The following CCDC66 variants were observed in gnomAD, a reference collection of about 807,000 sequenced individuals.
The protein encoded by CCDC66 is coiled-coil domain-containing protein 66.
Under a neutral mutation model 128.3 loss-of-function variants are expected in CCDC66, and 133 were observed. The observed-to-expected ratio is 1.04, with a 90% CI of 0.90 to 1.20. The LOEUF is 1.20. Among genes scored for constraint, CCDC66 ranks in the 50% most tolerant of loss-of-function variants. CCDC66 has a pLI of 0.00. For synonymous variants in CCDC66, 387 were observed against 357.0 expected, an observed-to-expected ratio of 1.08 and a Z score of -0.95; for missense variants, 1,126 against 1,075.5, an observed-to-expected ratio of 1.05 and a Z score of -0.66.
intron 7 of CCDC66, among the ~76,000 whole-genome samples, chr3:56,582,851 TA>T (rs1427467790): frequency 0.033 from 3,234 of 98,102 alleles, 279 homozygotes; most frequent in East Asian, 0.25. Context: ...CAACTTTCTT[TA>T]TTATTATTAT....
At chr3:56,571,323 T>C (rs1428182860) in intron 7 of CCDC66, 21 bp downstream of exon 7, 1 of 1,441,248 alleles carries the variant, frequency 6.9e-7, no homozygotes, top group Non-Finnish European at 9.5e-7. Context: ...TTAATTGCAA[T>C]TTTTAAAATA....
chr3:56,621,105 AGT>A (rs1327524416), intron 17 of CCDC66: 6 of 152,026 alleles, frequency 3.9e-5, no homozygotes, highest in African/African-American at 1.5e-4. Flanking sequence ...CAGAGCTTGC[AGT>A]GAGATTGCAC....
At chr3:56,620,874 C>T (rs977602993) in intron 17 of CCDC66, 8 of 152,774 alleles carry the variant, frequency 5.2e-5, no homozygotes, top group African/African-American at 1.4e-4. Context: ...GGATGTTGGC[C>T]AGGAGCAGTG....
chr3:56,615,088 T>A (rs759071314), intron 11 of CCDC66, 40 bp from the exon 12 acceptor site: 1 of 1,594,772 alleles, frequency 6.3e-7, no homozygotes, highest in African/African-American at 1.3e-5. Flanking sequence ...AGTCTTTGTA[T>A]GTTTAATAGA....
intron 10 of CCDC66, among the ~76,000 whole-genome samples, chr3:56,604,391 G>T (rs1023163110): frequency 6.6e-6 from 1 of 151,912 alleles, no homozygotes; most frequent in Non-Finnish European, 1.5e-5. Flanking sequence ...TTACAATTTG[G>T]TATGTTTTTG....
At position 56,573,710 on chromosome 3, in the gene CCDC66, TTCTGTTTAGC is replaced by T. The variant is rs1162893838; in HGVS notation, c.936+2409_936+2418del. Among the ~76,000 whole-genome samples the T allele has an allele frequency of 7.2e-3, 1,089 of 151,838 alleles. 34 individuals are homozygous for T. The highest frequency in any genetic ancestry group is 0.071 in the East Asian group (359 of 5,058). ...TGCTGACATCTTCTGAAGGGCTGGT[TTCTGTTTAGC>T]CCTTAGGCTAAATAGTGGTTAGCCA... On this transcript the variant is annotated intron_variant, in intron 7 of 17. Coordinates refer to ENST00000394672, the MANE Select transcript of CCDC66 (RefSeq NM_001141947.3).
intron 6 of CCDC66, chr3:56,569,366 C>G (rs765752476): frequency 6.2e-5 from 21 of 337,130 alleles, no homozygotes; most frequent in Non-Finnish European, 1.2e-4. Flanking sequence ...CTGGTGAGGC[C>G]TCAGGAAGCT....
chr3:56,598,002 C>T (rs2072414171), intron 10 of CCDC66, among the ~76,000 whole-genome samples: 1 of 151,712 alleles, frequency 6.6e-6, no homozygotes, highest in African/African-American at 2.4e-5. Flanking sequence ...TCTCGAACTC[C>T]TGACCTCAGG....
chr3:56,594,062 A>G (rs1020238618), intron 10 of CCDC66, 34 bp downstream of exon 10: 2 of 1,561,588 alleles, frequency 1.3e-6, no homozygotes, highest in Non-Finnish European at 1.8e-6. Flanking sequence ...CTTTACCTTA[A>G]TAAGTAACAG....
intron 3 of CCDC66, among the ~76,000 whole-genome samples, chr3:56,560,610 C>T (rs62255967): frequency 0.049 from 7,496 of 152,184 alleles, 194 homozygotes; most frequent in East Asian, 0.091. Flanking sequence ...GTCCCAGCTA[C>T]TTAGGAGGCT....
chr3:56,605,386 G>T (rs1366576690), intron 10 of CCDC66, among the ~76,000 whole-genome samples: 1 of 152,018 alleles, frequency 6.6e-6, no homozygotes, highest in Non-Finnish European at 1.5e-5. Flanking sequence ...TTTTGTGCTG[G>T]TTTCTCCCCA....
chr3:56,569,202 AAAT>A, intron 6 of CCDC66: 1 of 168,546 alleles, frequency 5.9e-6, no homozygotes, highest in East Asian at 1.8e-4. Context: ...GAAGCAGCAG[AAAT>A]AAGGAGTGAA....
Position 56,601,655 on chromosome 3 carries a change from G to C in CCDC66, c.1404+7627G>C, listed in dbSNP as rs1577819709. On this transcript the variant is annotated intron_variant, in intron 10 of 17. Coordinates refer to ENST00000394672, the MANE Select transcript of CCDC66 (RefSeq NM_001141947.3). ...GTGTCCTCTTTTATTTCCTTGAGCA[G>C]TGGTTTGTAGTTCTCCTTAAAGAGG... Among the ~76,000 whole-genome samples the C allele has an allele frequency of 2.6e-5, 4 of 152,016 alleles. No homozygotes were observed. The South Asian group carries it at 8.3e-4, about 31-fold the overall frequency.
intron 7 of CCDC66, among the ~76,000 whole-genome samples, chr3:56,582,847 T>TC (rs2068647180): frequency 8.2e-6 from 1 of 122,070 alleles, no homozygotes; most frequent in African/African-American, 3.3e-5. Context: ...TTCTCAACTT[T>TC]CTTTATTATT....
rs1385057111 is a variant in CCDC66 at position 56,617,338 on chromosome 3, A to G, written c.2070A>G (p.Gln690=). 1.2e-6 allele frequency: 2 copies of G among 1,612,770 alleles called. No homozygotes were observed. The highest frequency in any genetic ancestry group is 3.3e-5 in the Admixed American group (2 of 59,732). The change falls in exon 14 of 18, where the codon CAA becomes CAG. Residue 690 remains glutamine, a synonymous_variant. Coordinates refer to ENST00000394672, the MANE Select transcript of CCDC66 (RefSeq NM_001141947.3). ...QCNQFTRIEK[Q]TKHMKKYPKR... is the part of the protein sequence containing the mutation. ...ATCAGTTCACAAGAATAGAGAAACA[A>G]ACAAAACACATGAAGAAATATCCTA...
rs368879585 is a variant in CCDC66, at chr3:56,617,294, C to T, written c.2026C>T (p.Arg676Trp). 1.1e-5 allele frequency: 17 copies of T among 1,613,068 alleles called. No individual in the cohort carries two copies. Among genetic ancestry groups the T allele is most frequent in the Admixed American group, 1.7e-5 (1 of 59,814 alleles). The change falls in exon 14 of 18, where the codon CGG (arginine) becomes TGG (tryptophan). Residue 676 changes from arginine to tryptophan, a missense_variant. Coordinates refer to ENST00000394672, the MANE Select transcript of CCDC66 (RefSeq NM_001141947.3). The stretch of plus-strand genomic sequence containing the variant: ...AGCCAGCTTAGAAAAAGAAAACAAT[C>T]GGTGTAATGACCAGTGTAATCAGTT... ...KGASLEKENN[R>W]CNDQCNQFTR...
chr3:56,619,870 C>T lies in CCDC66; in HGVS notation c.2729C>T (p.Ala910Val). 1 of 1,614,034 alleles carries T rather than the reference C, an allele frequency of 6.2e-7. No individual in the cohort carries two copies. Among genetic ancestry groups the T allele is most frequent in the Non-Finnish European group, 8.5e-7 (1 of 1,179,932 alleles). ...GTGAAAAATAGGGATCGACAGCAAG[C>T]AATCCTTAAGGGACTTTCAGAACTG... ...NMVKNRDRQQ[A>V]ILKGLSELRQ... Residue 910 changes from alanine (A) to valine (V), a missense_variant, in exon 17 of 18, where the codon GCA becomes GTA. Transcript: ENST00000394672.
chr3:56,599,550 A>T (rs2072773363), intron 10 of CCDC66, among the ~76,000 whole-genome samples: 1 of 151,960 alleles, frequency 6.6e-6, no homozygotes, highest in African/African-American at 2.4e-5. Context: ...CCCTCTTAGC[A>T]CTGCTTTTGC....
At chr3:56,613,535 C>T in intron 10 of CCDC66, 54 bp from the exon 11 acceptor site, 1 of 1,576,520 alleles carries the variant, frequency 6.3e-7, no homozygotes, top group South Asian at 1.2e-5. Flanking sequence ...CTTGAATTCC[C>T]TCCTGCTTAG....
Sources: gnomAD v4.1 joint callset for allele counts (sites outside exome capture counted in the v4.1 genomes callset) on GRCh38, gnomAD v4.1.1 for gene constraint, MANE v1.5 for transcripts, NCBI Gene and HGNC (gene_info 2026-07-23, HGNC 2026-07-21) for gene names.